The following TCF4 variants were observed in gnomAD, a reference collection of about 807,000 sequenced individuals.
TCF4 encodes the protein SL3-3 enhancer factor 2.
A neutral mutation model predicts 82.1 loss-of-function variants in TCF4; 3 were observed. That is an observed-to-expected ratio of 0.04 (90% CI 0.02 to 0.09). The LOEUF is 0.09. Among genes scored for constraint, TCF4 ranks in the 10% least tolerant of loss-of-function variants. The pLI is 1.00. For missense variants in TCF4, 518 were observed against 852.7 expected (o/e 0.61, Z 4.89); for synonymous variants, 276 against 309.6 (o/e 0.89, Z 1.14).
At position 55,464,084 on chromosome 18, in the gene TCF4, G is replaced by A; in HGVS notation, c.199C>T (p.Pro67Ser). The change falls in exon 4 of 20, where the codon CCG (proline) becomes TCG (serine). Residue 67 changes from proline (P) to serine (S), a missense_variant. Around this residue, in one of 7 missense-constraint regions of TCF4, gnomAD observed 80 missense variants for 93.8 expected, o/e 0.85. Transcript: ENST00000354452. The part of the protein sequence containing the change: ...GSWGNGGHPS[P>S]SRNYGDGTPY... ...AGATTAGATATACTTACCCTGGACG[G>A]GCTTGGATGTCCTCCATTCCCCCAG... 1 of 1,613,676 alleles carries A rather than the reference G, an allele frequency of 6.2e-7. No homozygotes were observed. The highest frequency in any genetic ancestry group is 1.1e-5 in the South Asian group (1 of 91,074).
At chr18:55,613,795 T>A (rs758435105) in intron 2 of TCF4, among the ~76,000 whole-genome samples, 1 of 152,110 alleles carries the variant, frequency 6.6e-6, no homozygotes, top group Non-Finnish European at 1.5e-5. Context: ...TCCTACAACA[T>A]TGGGAATTAA....
rs1342916095 is a variant in TCF4, at chr18:55,321,897, G to C, written c.549+28462C>G. ...CAGGAAGAGACCATTCCTGGCGGGC[G>C]GGGGAGGCCGCGGCGCTGCTGTCAG... On this transcript the variant is annotated intron_variant, in intron 8 of 19. Transcript: ENST00000354452. The C allele has an allele frequency of 2.1e-6, 3 of 1,404,984 alleles. No homozygotes were observed. In the African/African-American group the frequency reaches 4.3e-5, roughly 20 times the overall value. 87.0% of individuals were successfully genotyped at this position (1,404,984 alleles called of 1,614,324 possible). A position where few individuals can be genotyped will look rare whatever the true frequency, so the allele number is the denominator to read the frequency against.
chr18:55,604,810 C>G (rs1341048116), intron 2 of TCF4, among the ~76,000 whole-genome samples: 1 of 152,122 alleles, frequency 6.6e-6, no homozygotes, highest in African/African-American at 2.4e-5. Flanking sequence ...TAGGGACAGC[C>G]TCCTACTTGC....
At chr18:55,561,348 C>T (rs549147156) in intron 3 of TCF4, among the ~76,000 whole-genome samples, 2 of 152,282 alleles carry the variant, frequency 1.3e-5, no homozygotes, top group Admixed American at 1.3e-4. Flanking sequence ...AGATCCAAAA[C>T]TATTTTATTT....
At chr18:55,506,437 A>C (rs2096760878) in intron 3 of TCF4, among the ~76,000 whole-genome samples, 1 of 152,226 alleles carries the variant, frequency 6.6e-6, no homozygotes, top group Non-Finnish European at 1.5e-5. Context: ...ATTCAGATGG[A>C]ATCATCCAAT....
chr18:55,623,906 A>G (rs936487026), intron 2 of TCF4, among the ~76,000 whole-genome samples: 1 of 152,178 alleles, frequency 6.6e-6, no homozygotes, highest in Non-Finnish European at 1.5e-5. Flanking sequence ...GATTTTAAAC[A>G]TCTATTCAGA....
chr18:55,432,744 A>G (rs8095349), intron 5 of TCF4, among the ~76,000 whole-genome samples: 152,072 of 152,344 alleles, frequency 1, 75,902 homozygotes, highest in Middle Eastern at 1. Flanking sequence ...GCTCAAATTT[A>G]TGAAAGATTG....
upstream of TCF4, among the ~76,000 whole-genome samples, chr18:55,592,793 G>A (rs2097687016): frequency 6.6e-6 from 1 of 152,168 alleles, no homozygotes; most frequent in South Asian, 2.1e-4. Context: ...GAGAGCCATG[G>A]TTATAGGGAA....
At chr18:55,381,924 T>TAA (rs200123796) in intron 6 of TCF4, among the ~76,000 whole-genome samples, 27 of 137,386 alleles carry the variant, frequency 2.0e-4, no homozygotes, top group African/African-American at 6.9e-4. Context: ...TTTTTTTTTT[T>TAA]TAAAAAAGGA....
chr18:55,529,256 T>C (rs1359837839), intron 3 of TCF4, among the ~76,000 whole-genome samples: 1 of 152,196 alleles, frequency 6.6e-6, no homozygotes, highest in Non-Finnish European at 1.5e-5. Flanking sequence ...TATCTTATTC[T>C]TTAGATATTT....
intron 3 of TCF4, among the ~76,000 whole-genome samples, chr18:55,517,881 C>T (rs1190847375): frequency 6.6e-6 from 1 of 152,104 alleles, no homozygotes; most frequent in African/African-American, 2.4e-5. Flanking sequence ...GAGCTTTCTC[C>T]ATCTCTCTTC....
chr18:55,359,874 T>C (rs1470829486), intron 6 of TCF4, among the ~76,000 whole-genome samples: 2 of 152,228 alleles, frequency 1.3e-5, no homozygotes, highest in African/African-American at 4.8e-5. Flanking sequence ...ATCAGTTGTA[T>C]GTTTTTCTAG....
intron 5 of TCF4, among the ~76,000 whole-genome samples, chr18:55,434,449 T>C (rs1337839320): frequency 2.2e-5 from 3 of 136,604 alleles, no homozygotes; most frequent in Non-Finnish European, 4.6e-5. Flanking sequence ...AGATGGAGTC[T>C]CGCTGTGTTG....
At chr18:55,244,263 C>T (rs989644411) in intron 15 of TCF4, among the ~76,000 whole-genome samples, 1 of 152,114 alleles carries the variant, frequency 6.6e-6, no homozygotes, top group Non-Finnish European at 1.5e-5. Flanking sequence ...CTCTTTTCCC[C>T]CTTTCCCTTA....
chr18:55,570,870 G>C (rs2097457680), intron 3 of TCF4, among the ~76,000 whole-genome samples: 1 of 144,558 alleles, frequency 6.9e-6, no homozygotes, highest in African/African-American at 2.6e-5. Context: ...GCAACAGAGT[G>C]AGATGTGAGA....
chr18:55,634,786 T>C (rs931109678), intron 1 of TCF4, among the ~76,000 whole-genome samples: 4 of 152,216 alleles, frequency 2.6e-5, no homozygotes, highest in African/African-American at 9.6e-5. Flanking sequence ...TGTTAGGATC[T>C]GAACTTGAAA....
intron 3 of TCF4, among the ~76,000 whole-genome samples, chr18:55,467,300 C>A (rs1019697321): frequency 6.6e-6 from 1 of 152,076 alleles, no homozygotes; most frequent in Non-Finnish European, 1.5e-5. Context: ...TCAGGCCTGC[C>A]CCTTAGTTAG....
At chr18:55,535,792 T>C (rs1294442297) in intron 3 of TCF4, among the ~76,000 whole-genome samples, 1 of 152,190 alleles carries the variant, frequency 6.6e-6, no homozygotes, top group Non-Finnish European at 1.5e-5. Context: ...TTCAAGGCAT[T>C]CTATGAGTTT....
intron 3 of TCF4, among the ~76,000 whole-genome samples, chr18:55,498,795 C>T (rs1387334899): frequency 1.3e-5 from 2 of 152,142 alleles, no homozygotes; most frequent in Non-Finnish European, 2.9e-5. Flanking sequence ...GAAAGTCACA[C>T]GTAAGACAGG....
Sources: allele counts gnomAD v4.1 joint callset (sites outside exome capture counted in the v4.1 genomes callset), GRCh38; gene constraint gnomAD v4.1.1; regional missense constraint gnomAD v4.1.1; transcripts MANE v1.5; gene names NCBI Gene and HGNC (gene_info 2026-07-23, HGNC 2026-07-21).